Variants in PPP6R3 observed in about 807,000 individuals in gnomAD.
PPP6R3 encodes serine/threonine-protein phosphatase 6 regulatory subunit 3.
In PPP6R3, 38 loss-of-function variants were observed where a neutral mutation model predicts 110.7. That is an observed-to-expected ratio of 0.34 (90% CI 0.26 to 0.45). PPP6R3 has a LOEUF of 0.45. Ranked by LOEUF, PPP6R3 falls within the 20% of genes least tolerant of loss-of-function variation. The pLI is 1.00. For missense variants in PPP6R3, 870 were observed against 1,062.4 expected, an observed-to-expected ratio of 0.82 and a Z score of 2.52; for synonymous variants, 369 against 373.5, an observed-to-expected ratio of 0.99 and a Z score of 0.14.
rs1219244645 is a variant in PPP6R3 at position 68,614,947 on chromosome 11, A to G, written c.*1830A>G. ...GCCAGGGTTTGGCTCCACTGGTGGC[A>G]CACGTGGCCTCCGTGGTATGGACCT... On this transcript the variant is annotated 3_prime_UTR_variant, in exon 24 of 24. Coordinates refer to ENST00000393800, the MANE Select transcript of PPP6R3 (RefSeq NM_001164161.2). The G allele has an allele frequency of 1.6e-6, 1 of 632,746 alleles. No individual in the cohort carries two copies. The highest frequency in any genetic ancestry group is 2.9e-6 in the Non-Finnish European group (1 of 343,752). The allele number at this position is 632,746 out of a possible 1,614,324, so 39.2% of individuals were successfully genotyped here.
At chr11:68,569,705 A>G in intron 10 of PPP6R3, 43 bp from the exon 11 acceptor site, 1 of 1,479,030 alleles carries the variant, frequency 6.8e-7, no homozygotes, top group Non-Finnish European at 9.2e-7. Flanking sequence ...ATTGGCTTAA[A>G]CATTGAGGTA....
At chr11:68,499,015 A>T (rs2099033971) in intron 1 of PPP6R3, among the ~76,000 whole-genome samples, 3 of 152,190 alleles carry the variant, frequency 2.0e-5, no homozygotes, top group Admixed American at 1.3e-4. Flanking sequence ...GAGATGTCTT[A>T]CTTAGGGCAA....
intron 8 of PPP6R3, among the ~76,000 whole-genome samples, chr11:68,563,925 TTAA>T (rs1358360284): frequency 6.6e-6 from 1 of 152,204 alleles, no homozygotes. Flanking sequence ...GGCCTGTTCA[TTAA>T]TAACACCCCA....
chr11:68,548,009 G>A (rs1356443045), intron 4 of PPP6R3, 58 bp from the exon 5 acceptor site: 5 of 1,532,562 alleles, frequency 3.3e-6, no homozygotes, highest in African/African-American at 1.4e-5. Context: ...GACTTAAAAG[G>A]TAAAGTTTAT....
chr11:68,557,099 G>T (rs1264218226), intron 7 of PPP6R3, among the ~76,000 whole-genome samples: 1 of 152,254 alleles, frequency 6.6e-6, no homozygotes, highest in South Asian at 2.1e-4. Context: ...TCCACCTGGG[G>T]TGAGGCTGCT....
intron 1 of PPP6R3, among the ~76,000 whole-genome samples, chr11:68,475,625 G>A (rs1186409019): frequency 1.3e-5 from 2 of 150,314 alleles, no homozygotes; most frequent in African/African-American, 2.4e-5. Flanking sequence ...GCGGCTGGCC[G>A]GGTGGGGGCT....
chr11:68,492,306 A>G (rs1335564718), intron 1 of PPP6R3, among the ~76,000 whole-genome samples: 1 of 152,072 alleles, frequency 6.6e-6, no homozygotes, highest in Non-Finnish European at 1.5e-5. Context: ...ATAGGTGTGC[A>G]TCACCATGCC....
intron 5 of PPP6R3, 153 bp from the exon 6 acceptor site, chr11:68,550,968 G>A: frequency 1.8e-6 from 1 of 569,962 alleles, no homozygotes; most frequent in East Asian, 2.9e-5. Context: ...ATTTTCCTTG[G>A]GGGACTTTTA....
chr11:68,565,751 G>A (rs1039750851), intron 9 of PPP6R3, among the ~76,000 whole-genome samples: 1 of 148,410 alleles, frequency 6.7e-6, no homozygotes, highest in African/African-American at 2.6e-5. Context: ...AGTGAGTTCC[G>A]TTTGCACCTG....
At chr11:68,582,876 T>C (rs1376568637) in intron 14 of PPP6R3, among the ~76,000 whole-genome samples, 167 bp from the exon 15 acceptor site, 1 of 152,180 alleles carries the variant, frequency 6.6e-6, no homozygotes, top group Admixed American at 6.5e-5. Flanking sequence ...GAAGGAAGGG[T>C]GCCCTTGACA....
chr11:68,601,782 T>G, intron 20 of PPP6R3, 81 bp from the exon 21 acceptor site: 1 of 1,173,338 alleles, frequency 8.5e-7, no homozygotes. Context: ...AAAAACTTAC[T>G]TGTAAAGGCT....
chr11:68,591,816 G>A, intron 18 of PPP6R3, 110 bp downstream of exon 18: 8 of 1,318,976 alleles, frequency 6.1e-6, no homozygotes, highest in Non-Finnish European at 8.0e-6. Flanking sequence ...CCAGAAACCA[G>A]TGTTTTTTTT....
rs919492765 is a variant in PPP6R3, at chr11:68,595,598, C to T, written c.1917-499C>T. Among the ~76,000 whole-genome samples, 3 of 152,006 alleles carry T rather than the reference C, an allele frequency of 2.0e-5. 1 individual carries two copies. Among genetic ancestry groups the T allele is most frequent in the South Asian group, 4.2e-4 (2 of 4,816 alleles). On this transcript the variant is annotated intron_variant, in intron 18 of 23. Transcript: ENST00000393800. ...AAATGACACTTTTAATAGAATGAAA[C>T]GACAAACCATGCACTGGGAGAAAAC...
chr11:68,598,161 C>G (rs1304152446), intron 19 of PPP6R3, among the ~76,000 whole-genome samples: 1 of 152,190 alleles, frequency 6.6e-6, no homozygotes, highest in Non-Finnish European at 1.5e-5. Context: ...CTAGGGATCT[C>G]ATATAAATGG....
At chr11:68,572,050 T>G (rs376118763) in intron 12 of PPP6R3, among the ~76,000 whole-genome samples, 46 of 152,248 alleles carry the variant, frequency 3.0e-4, no homozygotes, top group African/African-American at 1.1e-3. Flanking sequence ...GCACTGCTAC[T>G]AGGGTTTTGA....
intron 1 of PPP6R3, among the ~76,000 whole-genome samples, chr11:68,479,850 C>T (rs2098890579): frequency 6.6e-6 from 1 of 151,916 alleles, no homozygotes; most frequent in Non-Finnish European, 1.5e-5. Context: ...GTGATCCTCC[C>T]ACCTCAGCCT....
intron 1 of PPP6R3, among the ~76,000 whole-genome samples, chr11:68,477,393 T>G (rs1272236230): frequency 6.6e-6 from 1 of 151,850 alleles, no homozygotes; most frequent in Admixed American, 6.6e-5. Context: ...CAATTTATGC[T>G]TTTTCAGCTC....
At position 68,530,549 on chromosome 11, in the gene PPP6R3, C is replaced by A. The variant is rs191436419; in HGVS notation, c.-6-7110C>A. On this transcript the variant is annotated intron_variant, in intron 2 of 23. Transcript: ENST00000393800. ...TATCTTATGTGTGTTTATTGCCAGT[C>A]TGGCATATGATATCAGATATTCACT... Among the ~76,000 whole-genome samples the A allele has an allele frequency of 7.9e-5, 12 of 152,328 alleles. No individual in the cohort carries two copies. The East Asian group carries it at 2.3e-3, about 29-fold the overall frequency.
At chr11:68,572,277 A>G (rs897006260) in intron 12 of PPP6R3, among the ~76,000 whole-genome samples, 14 of 152,078 alleles carry the variant, frequency 9.2e-5, no homozygotes, top group African/African-American at 3.4e-4. Context: ...GCCAGGGCTC[A>G]GATATCCTTT....
Sources: gnomAD v4.1 joint callset for allele counts (sites outside exome capture counted in the v4.1 genomes callset) on GRCh38, gnomAD v4.1.1 for gene constraint, MANE v1.5 for transcripts, NCBI Gene and HGNC (gene_info 2026-07-23, HGNC 2026-07-21) for gene names.